Variants in UBR2 observed in about 807,000 individuals in gnomAD.
UBR2 encodes ubiquitin protein ligase E3 component n-recognin 2, also known as E3 ubiquitin-protein ligase UBR2.
UBR2 carries 92 observed loss-of-function variants against 247.9 expected under a neutral mutation model. The ratio of observed to expected loss-of-function variants is 0.37; its 90% CI spans 0.31 to 0.44. UBR2 has a LOEUF of 0.44. Among genes scored for constraint, UBR2 ranks in the 20% least tolerant of loss-of-function variants. UBR2 has a pLI of 1.00. For missense variants in UBR2, 1,613 were observed against 2,112.6 expected (o/e 0.76, Z 4.64); for synonymous variants, 672 against 693.5 (o/e 0.97, Z 0.49).
chr6:42,688,492 C>G (rs541411595), intron 45 of UBR2, 106 bp downstream of exon 45: 3 of 1,317,146 alleles, frequency 2.3e-6, no homozygotes, highest in Admixed American at 4.5e-5. Flanking sequence ...ACTACTGTTC[C>G]GTGTGATTCA....
intron 22 of UBR2, among the ~76,000 whole-genome samples, chr6:42,648,465 T>C (rs959530072): frequency 2.0e-5 from 3 of 152,186 alleles, no homozygotes; most frequent in Non-Finnish European, 4.4e-5. Flanking sequence ...TCTAAGTAAA[T>C]GCATTGTAAT....
At chr6:42,683,358 T>TA (rs1445867820) in intron 43 of UBR2, among the ~76,000 whole-genome samples, 1 of 152,200 alleles carries the variant, frequency 6.6e-6, no homozygotes, top group South Asian at 2.1e-4. Flanking sequence ...ATATTTGCTT[T>TA]AAAAAATATA....
In UBR2 at chr6:42,655,605, A is replaced by G. The variant is rs776575732; in HGVS notation, c.2770-16A>G. On this transcript the variant is annotated splice_polypyrimidine_tract_variant and intron_variant, in intron 25 of 46. Coordinates refer to ENST00000372901, the MANE Select transcript of UBR2 (RefSeq NM_001363705.2). ...TTTTTAAATTTTTACTAAAAGTTAC[A>G]AAACATTTATTCAAGGTGTTACATT... is the stretch of plus-strand genomic sequence containing the variant. 11 of 1,465,288 alleles carry G rather than the reference A, an allele frequency of 7.5e-6. No individual in the cohort carries two copies. The highest frequency in any genetic ancestry group is 9.2e-6 in the Non-Finnish European group (10 of 1,088,224). 90.8% of individuals were successfully genotyped at this position (1,465,288 alleles called of 1,614,324 possible). A position where few individuals can be genotyped will look rare whatever the true frequency, so the allele number is the denominator to read the frequency against.
chr6:42,636,839 C>T (rs530400591), intron 14 of UBR2, among the ~76,000 whole-genome samples, 172 bp from the exon 15 acceptor site: 342 of 152,182 alleles, frequency 2.2e-3, no homozygotes, highest in African/African-American at 7.9e-3. Context: ...GTAAATGTAT[C>T]ATTCACTGAG....
At chr6:42,681,674 C>T (rs1025882065) in intron 42 of UBR2, among the ~76,000 whole-genome samples, 2 of 152,126 alleles carry the variant, frequency 1.3e-5, no homozygotes, top group African/African-American at 2.4e-5. Flanking sequence ...AGAGCCACTA[C>T]GGAAGACAGC....
intron 2 of UBR2, among the ~76,000 whole-genome samples, chr6:42,590,785 A>T (rs1792610410): frequency 6.6e-6 from 1 of 152,116 alleles, no homozygotes; most frequent in African/African-American, 2.4e-5. Flanking sequence ...AGTGATAAAG[A>T]AGATAAAAAG....
At chr6:42,639,953 G>A (rs1490240199) in intron 15 of UBR2, among the ~76,000 whole-genome samples, 10 of 152,230 alleles carry the variant, frequency 6.6e-5, no homozygotes, top group South Asian at 2.1e-4. Context: ...GCGTGAACCC[G>A]GGAGGCGGAG....
chr6:42,564,749 T>G (rs1790677856), intron 1 of UBR2, among the ~76,000 whole-genome samples: 1 of 152,220 alleles, frequency 6.6e-6, no homozygotes, highest in Non-Finnish European at 1.5e-5. Context: ...AAGAGACGCT[T>G]CTTGTGTTTT....
chr6:42,618,275 G>T (rs1035205831), intron 11 of UBR2, among the ~76,000 whole-genome samples: 1 of 152,198 alleles, frequency 6.6e-6, no homozygotes, highest in Non-Finnish European at 1.5e-5. Context: ...GGGCATGAGG[G>T]AAGGTCCATA....
At chr6:42,618,987 T>C (rs1794729057) in intron 11 of UBR2, among the ~76,000 whole-genome samples, 1 of 152,142 alleles carries the variant, frequency 6.6e-6, no homozygotes, top group Non-Finnish European at 1.5e-5. Context: ...TTTAGTTTAG[T>C]CAGGGTTGAG....
chr6:42,679,673 G>A (rs370564073), intron 41 of UBR2, 51 bp from the exon 42 acceptor site: 1 of 1,335,048 alleles, frequency 7.5e-7, no homozygotes, highest in Non-Finnish European at 1.1e-6. Flanking sequence ...CTCTCATGCA[G>A]AATATGCCCT....
Position 42,659,617 on chromosome 6 carries a change from T to C in UBR2, c.3243-39T>C, listed in dbSNP as rs1797683313. 6.3e-7 allele frequency: 1 copy of C among 1,580,666 alleles called. No homozygotes were observed. The highest frequency in any genetic ancestry group is 8.6e-7 in the Non-Finnish European group (1 of 1,158,418). ...CTATTTTGTGATTATATAGAAAGTT[T>C]TGGGATCATTAATTATATTCATAAC... is the stretch of plus-strand genomic sequence containing the variant. On this transcript the variant is annotated intron_variant, in intron 29 of 46. Transcript: ENST00000372901. This position sits in a 1 kb window ranked among gnomAD's most constrained non-coding sequence, Gnocchi z 4.3.
At chr6:42,667,897 T>G (rs1798213936) in intron 34 of UBR2, among the ~76,000 whole-genome samples, 2 of 151,786 alleles carry the variant, frequency 1.3e-5, no homozygotes, top group South Asian at 4.2e-4. Flanking sequence ...TAGCTGGGAT[T>G]ACAGGCATGC....
chr6:42,684,812 CAAATT>C lies in UBR2; in HGVS notation c.4797_4801del (p.Lys1599AsnfsTer12). The C allele has an allele frequency of 6.2e-7, 1 of 1,608,364 alleles. No homozygotes were observed. The highest frequency in any genetic ancestry group is 8.5e-7 in the Non-Finnish European group (1 of 1,177,416). On this transcript the variant is annotated frameshift_variant, in exon 44 of 47. Transcript: ENST00000372901. LOFTEE classifies it high-confidence loss of function. ...TTTTCAGATATCCAAGAGAATCTAA[CAAATT>C]AATAAACCTTCCAGAGGATTACAGC... is the stretch of plus-strand genomic sequence containing the variant.
intron 7 of UBR2, among the ~76,000 whole-genome samples, chr6:42,610,262 T>C (rs1793985394): frequency 6.6e-6 from 1 of 152,214 alleles, no homozygotes; most frequent in East Asian, 1.9e-4. Flanking sequence ...ATAGCCACTG[T>C]GGGAAACAGT....
In UBR2 at chr6:42,628,097, C is replaced by T. The variant is rs190001661; in HGVS notation, c.1282-4455C>T. Among the ~76,000 whole-genome samples, 146 of 152,230 alleles carry T rather than the reference C, an allele frequency of 9.6e-4. 1 individual carries two copies. Among genetic ancestry groups the T allele is most frequent in the Admixed American group, 3.3e-3 (50 of 15,266 alleles). ...AAGCAGCTGCAGAATGCTGGCTCAC[C>T]TCCTTGTGCAGTTCCCTTTCTCCCT... On this transcript the variant is annotated intron_variant, in intron 11 of 46. Coordinates refer to ENST00000372901, the MANE Select transcript of UBR2 (RefSeq NM_001363705.2).
Position 42,659,623 on chromosome 6 carries a change from T to C in UBR2, c.3243-33T>C. On this transcript the variant is annotated intron_variant, in intron 29 of 46. Coordinates refer to ENST00000372901, the MANE Select transcript of UBR2 (RefSeq NM_001363705.2). This position sits in a 1 kb window ranked among gnomAD's most constrained non-coding sequence, Gnocchi z 4.3. ...TGTGATTATATAGAAAGTTTTGGGA[T>C]CATTAATTATATTCATAACCTTTGT... 1 of 1,592,510 alleles carries C rather than the reference T, an allele frequency of 6.3e-7. No homozygotes were observed. The highest frequency in any genetic ancestry group is 8.6e-7 in the Non-Finnish European group (1 of 1,166,798).
chr6:42,620,123 C>T, intron 11 of UBR2: 2 of 666,448 alleles, frequency 3.0e-6, no homozygotes, highest in Non-Finnish European at 3.7e-6. Flanking sequence ...CCAATTCATG[C>T]TTCTGTTAAT....
chr6:42,578,356 A>G (rs940946898), intron 2 of UBR2, among the ~76,000 whole-genome samples: 2 of 152,146 alleles, frequency 1.3e-5, no homozygotes, highest in Non-Finnish European at 2.9e-5. Flanking sequence ...AGAAATTATG[A>G]TCTTACCCAA....
Sources: allele counts gnomAD v4.1 joint callset (sites outside exome capture counted in the v4.1 genomes callset), GRCh38; gene constraint gnomAD v4.1.1; non-coding constraint Gnocchi (gnomAD v3.1); transcripts MANE v1.5; gene names NCBI Gene and HGNC (gene_info 2026-07-23, HGNC 2026-07-21).